The following TAFA4 variants were observed in gnomAD, a reference collection of about 807,000 sequenced individuals.
TAFA4 encodes TAFA chemokine like family member 4.
Under a neutral mutation model 21.1 loss-of-function variants are expected in TAFA4, and 20 were observed. The ratio of observed to expected loss-of-function variants is 0.95; its 90% CI spans 0.67 to 1.38. The LOEUF (loss-of-function observed/expected upper bound fraction) is 1.38. Among genes scored for constraint, TAFA4 ranks in the 40% most tolerant of loss-of-function variants. The pLI, the probability that TAFA4 is intolerant of heterozygous loss-of-function variation, is 0.00. For synonymous variants in TAFA4, 71 were observed against 67.4 expected, an observed-to-expected ratio of 1.05 and a Z score of -0.26; for missense variants, 211 against 180.9, an observed-to-expected ratio of 1.17 and a Z score of -0.95.
chr3:68,926,480 T>C lies in TAFA4; in HGVS notation c.-123+5760A>G, dbSNP rs544365912. Among the ~76,000 whole-genome samples the C allele has an allele frequency of 6.6e-5, 10 of 152,312 alleles. No homozygotes were observed. The East Asian group carries it at 1.9e-3, about 29-fold the overall frequency. The stretch of plus-strand genomic sequence containing the variant: ...GGGTGATGAAAAGAACTGTGGCCTA[T>C]GCATCAAGATACTTGGGTTCCCCGA... On this transcript the variant is annotated intron_variant, in intron 1 of 5. Transcript: ENST00000295569.
chr3:68,778,831 G>A (rs1037664741), intron 3 of TAFA4, among the ~76,000 whole-genome samples: 14 of 152,170 alleles, frequency 9.2e-5, no homozygotes, highest in Non-Finnish European at 2.1e-4. Context: ...CAATAAATTG[G>A]TACCAGTAGA....
intron 3 of TAFA4, among the ~76,000 whole-genome samples, chr3:68,835,603 A>G (rs1210520893): frequency 6.6e-6 from 1 of 152,204 alleles, no homozygotes; most frequent in Admixed American, 6.5e-5. Flanking sequence ...TGGAGCAGAG[A>G]AAGATGTTTT....
intron 3 of TAFA4, among the ~76,000 whole-genome samples, chr3:68,832,794 C>A (rs113061922): frequency 0.11 from 16,470 of 152,276 alleles, 1,062 homozygotes; most frequent in African/African-American, 0.18. Context: ...CCTCCAGAGG[C>A]GGAATCTAGA....
At chr3:68,899,034 G>A (rs996355036) in intron 1 of TAFA4, among the ~76,000 whole-genome samples, 2 of 152,212 alleles carry the variant, frequency 1.3e-5, no homozygotes, top group Non-Finnish European at 2.9e-5. Context: ...TCAGGTTGAG[G>A]ATGCAGTTGT....
At chr3:68,808,398 G>A (rs1468722241) in intron 3 of TAFA4, among the ~76,000 whole-genome samples, 1 of 152,106 alleles carries the variant, frequency 6.6e-6, no homozygotes, top group East Asian at 1.9e-4. Context: ...CAGTACTAAT[G>A]TCTTCATCTT....
At chr3:68,900,208 C>A (rs2106982087) in intron 1 of TAFA4, among the ~76,000 whole-genome samples, 2 of 149,192 alleles carry the variant, frequency 1.3e-5, no homozygotes, top group East Asian at 3.9e-4. Context: ...CACCACTGTA[C>A]TTCAGCTTGG....
intron 3 of TAFA4, among the ~76,000 whole-genome samples, chr3:68,803,429 C>G (rs963874948): frequency 6.6e-6 from 1 of 152,070 alleles, no homozygotes; most frequent in Non-Finnish European, 1.5e-5. Flanking sequence ...CTGATTTATT[C>G]CCAGTTGCTG....
intron 3 of TAFA4, among the ~76,000 whole-genome samples, chr3:68,839,543 G>A (rs1704606969): frequency 6.6e-6 from 1 of 152,166 alleles, no homozygotes; most frequent in Non-Finnish European, 1.5e-5. Flanking sequence ...ACAGGTACTG[G>A]AAAAGTCAGC....
intron 3 of TAFA4, among the ~76,000 whole-genome samples, chr3:68,878,241 G>A (rs778394227): frequency 1.3e-5 from 2 of 152,128 alleles, no homozygotes; most frequent in African/African-American, 4.8e-5. Flanking sequence ...TAAAGTGAAC[G>A]TATAAATCAA....
intron 3 of TAFA4, among the ~76,000 whole-genome samples, chr3:68,875,661 G>A (rs1404283365): frequency 6.6e-6 from 1 of 152,062 alleles, no homozygotes; most frequent in Non-Finnish European, 1.5e-5. Flanking sequence ...TTACCCCAGT[G>A]GGTAAGTGCT....
chr3:68,790,765 G>C (rs1703346416), intron 3 of TAFA4, among the ~76,000 whole-genome samples: 1 of 152,108 alleles, frequency 6.6e-6, no homozygotes, highest in African/African-American at 2.4e-5. Context: ...AGCAGTGAGG[G>C]GTGAAAGGAC....
chr3:68,877,076 G>C (rs190719441), intron 3 of TAFA4, among the ~76,000 whole-genome samples: 2 of 151,930 alleles, frequency 1.3e-5, no homozygotes, highest in Non-Finnish European at 2.9e-5. Context: ...CTTTTGTCTC[G>C]GGCCGGGCGC....
At chr3:68,737,645 TA>T (rs1297357331) in intron 5 of TAFA4, among the ~76,000 whole-genome samples, 1 of 152,210 alleles carries the variant, frequency 6.6e-6, no homozygotes, top group African/African-American at 2.4e-5. Context: ...TTAGACTTAA[TA>T]TCTTTATATT....
intron 3 of TAFA4, among the ~76,000 whole-genome samples, chr3:68,809,640 T>A (rs1399232631): frequency 1.3e-5 from 2 of 151,954 alleles, no homozygotes; most frequent in Non-Finnish European, 2.9e-5. Context: ...ATTGCCCAGA[T>A]CAGTGTCATA....
chr3:68,888,942 G>C (rs1444490896), intron 1 of TAFA4, among the ~76,000 whole-genome samples: 1 of 152,176 alleles, frequency 6.6e-6, no homozygotes, highest in Non-Finnish European at 1.5e-5. Flanking sequence ...AAACCAAACT[G>C]TGTCACTTCT....
chr3:68,779,041 T>C (rs908507608), intron 3 of TAFA4, among the ~76,000 whole-genome samples: 35 of 152,306 alleles, frequency 2.3e-4, no homozygotes, highest in Non-Finnish European at 4.7e-4. Context: ...TGAGGTGGTC[T>C]CAGATGGAGA....
At chr3:68,926,183 C>A (rs1348247637) in intron 1 of TAFA4, among the ~76,000 whole-genome samples, 11 of 149,714 alleles carry the variant, frequency 7.3e-5, no homozygotes, top group Admixed American at 3.3e-4. Flanking sequence ...GAGCTGAGAT[C>A]ATGCCACTGC....
At chr3:68,833,729 C>A (rs979876014) in intron 3 of TAFA4, among the ~76,000 whole-genome samples, 1 of 152,144 alleles carries the variant, frequency 6.6e-6, no homozygotes, top group Non-Finnish European at 1.5e-5. Flanking sequence ...CCCCTATCCA[C>A]AACAAACACT....
chr3:68,859,753 G>A (rs1050968431), intron 3 of TAFA4, among the ~76,000 whole-genome samples: 42 of 152,130 alleles, frequency 2.8e-4, no homozygotes, highest in Non-Finnish European at 4.0e-4. Context: ...TCACCAACCA[G>A]TATGGACACC....
Sources: allele counts gnomAD v4.1 joint callset (sites outside exome capture counted in the v4.1 genomes callset), GRCh38; gene constraint gnomAD v4.1.1; transcripts MANE v1.5; gene names NCBI Gene and HGNC (gene_info 2026-07-23, HGNC 2026-07-21).